The following CACNA1C variants were observed in gnomAD, a reference collection of about 807,000 sequenced individuals.
The protein encoded by CACNA1C is calcium voltage-gated channel subunit alpha1 C, also known as voltage-dependent L-type calcium channel subunit alpha-1C.
A neutral mutation model predicts 229.0 loss-of-function variants in CACNA1C; 30 were observed. The ratio of observed to expected loss-of-function variants is 0.13; its 90% confidence interval spans 0.10 to 0.18. The LOEUF is 0.18. Among genes scored for constraint, CACNA1C ranks in the 10% least tolerant of loss-of-function variants. The pLI is 1.00. For synonymous variants in CACNA1C, 1,114 were observed against 1,132.5 expected, an observed-to-expected ratio of 0.98 and a Z score of 0.33; for missense variants, 1,658 against 2,845.0, an observed-to-expected ratio of 0.58 and a Z score of 9.49.
At position 2,145,430 on chromosome 12, in the gene CACNA1C, C is replaced by G. The variant is rs769204190; in HGVS notation, c.477+25000C>G. On this transcript the variant is annotated intron_variant, in intron 3 of 46. Transcript: ENST00000399655. Reference sequence around the variant, plus strand: ...TGTTTTATCTCAAACATTTGTAATTCTATAAATTGAAATCAGCTTTTCTTA... The same window carrying G: ...TGTTTTATCTCAAACATTTGTAATTGTATAAATTGAAATCAGCTTTTCTTA... 2.0e-5 allele frequency among the ~76,000 whole-genome samples: 3 copies of G among 151,074 alleles called. 1 individual carries two copies. The highest frequency in any genetic ancestry group is 4.4e-5 in the Non-Finnish European group (3 of 67,606).
intron 16 of CACNA1C, among the ~76,000 whole-genome samples, chr12:2,584,911 A>G (rs2061842774): frequency 6.6e-6 from 1 of 152,056 alleles, no homozygotes; most frequent in Non-Finnish European, 1.5e-5. Context: ...GGAGAGAGAA[A>G]GGTAACCACT....
rs58893912 is a variant in CACNA1C at position 2,668,895 on chromosome 12, C to G, written c.4624-38C>G. 0.015 allele frequency: 20,715 copies of G among 1,420,956 alleles called. 2,317 individuals carry two copies. The African/African-American group carries it at 0.25, about 17-fold the overall frequency. 88.0% of individuals were successfully genotyped at this position (1,420,956 alleles called of 1,614,324 possible). On this transcript the variant is annotated intron_variant, in intron 37 of 46. Coordinates refer to ENST00000399655, the MANE Select transcript of CACNA1C (RefSeq NM_000719.7). ...TGTTCTGCGGTCCCCTAAGCACCGC[C>G]TGCCATCATCACCAGCTTTGCTTCT... is the stretch of plus-strand genomic sequence containing the variant.
chr12:2,481,568 T>C (rs2099675773), intron 5 of CACNA1C, among the ~76,000 whole-genome samples: 1 of 152,254 alleles, frequency 6.6e-6, no homozygotes, highest in Admixed American at 6.5e-5. Context: ...CCCATCTCCC[T>C]GGAAGGTCTT....
intron 3 of CACNA1C, among the ~76,000 whole-genome samples, chr12:2,357,782 C>G (rs1161752621): frequency 6.6e-6 from 1 of 151,584 alleles, no homozygotes; most frequent in African/African-American, 2.4e-5. Context: ...ACCAGCCTGG[C>G]CAACATGCGG....
In CACNA1C at chr12:2,686,232, A is replaced by G. The variant is rs186867242; in HGVS notation, c.5747A>G (p.Gln1916Arg). Residue 1916 changes from glutamine (Q) to arginine (R), a missense_variant, in exon 45 of 47, where the codon CAG (glutamine) becomes CGG (arginine). Around this residue, in one of 20 missense-constraint regions of CACNA1C, gnomAD observed 590 missense variants for 700.8 expected, o/e 0.84. Coordinates refer to ENST00000399655, the MANE Select transcript of CACNA1C (RefSeq NM_000719.7). ...AAGGACCGAGGGGGAGACATCTCTCAGAAGACAGTCCTGCCCTTGCATCTG... is the reference window on the plus strand; with the variant it reads ...AAGGACCGAGGGGGAGACATCTCTCGGAAGACAGTCCTGCCCTTGCATCTG... ...RQKDRGGDIS[Q>R]KTVLPLHLVH... The G allele has an allele frequency of 1.7e-4, 272 of 1,613,314 alleles. No individual in the cohort carries two copies. In the East Asian group the frequency reaches 5.8e-3, roughly 35 times the overall value.
At chr12:1,998,661 G>C (rs998983334) in intron 1 of CACNA1C, among the ~76,000 whole-genome samples, 1 of 152,172 alleles carries the variant, frequency 6.6e-6, no homozygotes, top group Non-Finnish European at 1.5e-5. Context: ...GGTTTAACTA[G>C]GTCACTTCAC....
At position 2,689,445 on chromosome 12, in the gene CACNA1C, C is replaced by A. The variant is rs1368877266; in HGVS notation, c.6117+666C>A. ...TGACTTTGGAGGGTGCGATACACCTCTCACACCTGCAACGGGTGGGATGGG... is the reference window on the plus strand; with the variant it reads ...TGACTTTGGAGGGTGCGATACACCTATCACACCTGCAACGGGTGGGATGGG... On this transcript the variant is annotated intron_variant, in intron 46 of 46. Transcript: ENST00000399655. This position sits in a 1 kb window ranked among gnomAD's most constrained non-coding sequence, Gnocchi z 4.2. 6.6e-6 allele frequency among the ~76,000 whole-genome samples: 1 copy of A among 152,096 alleles called. No homozygotes were observed. Among genetic ancestry groups the A allele is most frequent in the East Asian group, 1.9e-4 (1 of 5,164 alleles).
chr12:2,118,408 G>A (rs1190235019), intron 2 of CACNA1C, among the ~76,000 whole-genome samples: 1 of 152,202 alleles, frequency 6.6e-6, no homozygotes, highest in African/African-American at 2.4e-5. Context: ...AGGTGGCGTG[G>A]TAGGAGGGCT....
intron 3 of CACNA1C, among the ~76,000 whole-genome samples, chr12:2,349,654 A>G (rs1420017199): frequency 6.6e-6 from 1 of 152,096 alleles, no homozygotes; most frequent in East Asian, 1.9e-4. Context: ...GAGGGTAGGA[A>G]GAGCTCTGCA....
At chr12:2,401,509 G>A (rs1429785077) in intron 3 of CACNA1C, among the ~76,000 whole-genome samples, 1 of 152,234 alleles carries the variant, frequency 6.6e-6, no homozygotes, top group Non-Finnish European at 1.5e-5. Context: ...CTTAGTCACA[G>A]AGTATAACAT....
chr12:2,519,501 G>C (rs987886410), intron 9 of CACNA1C, among the ~76,000 whole-genome samples: 2 of 152,182 alleles, frequency 1.3e-5, no homozygotes, highest in Non-Finnish European at 2.9e-5. Flanking sequence ...CTTTCCAATA[G>C]CCCTCAGTCA....
chr12:2,230,330 G>C (rs2064575452), intron 3 of CACNA1C, among the ~76,000 whole-genome samples: 1 of 152,200 alleles, frequency 6.6e-6, no homozygotes, highest in East Asian at 1.9e-4. Flanking sequence ...GGCAAGCGGG[G>C]CCTCTCGCCT....
At chr12:2,461,106 T>A (rs2154565708) in intron 5 of CACNA1C, among the ~76,000 whole-genome samples, 1 of 152,360 alleles carries the variant, frequency 6.6e-6, no homozygotes, top group South Asian at 2.1e-4. Context: ...TCTGTGATTC[T>A]TGTCCTCCCA....
intron 3 of CACNA1C, among the ~76,000 whole-genome samples, chr12:2,428,567 C>T (rs1304107224): frequency 1.3e-5 from 2 of 152,200 alleles, no homozygotes; most frequent in African/African-American, 2.4e-5. Flanking sequence ...AGGCGGGGAG[C>T]TTTGCTCACT....
At position 2,630,098 on chromosome 12, in the gene CACNA1C, T is replaced by C. The variant is rs1023271033; in HGVS notation, c.3829-4199T>C. On this transcript the variant is annotated intron_variant, in intron 29 of 46. Transcript: ENST00000399655. This position sits in a 1 kb window ranked among gnomAD's most constrained non-coding sequence, Gnocchi z 5.4. ...CCCGCCCTGCGTGGCTCTGAGGAGC[T>C]GGACAGTAGAGGTTTGGTTTGCCAC... is the stretch of plus-strand genomic sequence containing the variant. 2.0e-5 allele frequency among the ~76,000 whole-genome samples: 3 copies of C among 152,224 alleles called. No individual in the cohort carries two copies. The highest frequency in any genetic ancestry group is 4.4e-5 in the Non-Finnish European group (3 of 68,046).
At chr12:2,509,135 T>C (rs2099778002) in intron 8 of CACNA1C, among the ~76,000 whole-genome samples, 1 of 152,202 alleles carries the variant, frequency 6.6e-6, no homozygotes, top group East Asian at 1.9e-4. Flanking sequence ...GAGATGGGCA[T>C]GTCTTGTCCC....
chr12:2,567,166 C>T (rs2051484548), intron 12 of CACNA1C, among the ~76,000 whole-genome samples: 1 of 152,190 alleles, frequency 6.6e-6, no homozygotes. Flanking sequence ...TCCTGGGAGG[C>T]AGGGGGTCTA....
chr12:2,646,104 C>G lies in CACNA1C; in HGVS notation c.3913-2371C>G, dbSNP rs1052284601. ...AAATACAAAATACTATCAAGATTAT[C>G]TGAACAGATCCAAAGTCAAGTCTTG... On this transcript the variant is annotated intron_variant, in intron 30 of 46. Coordinates refer to ENST00000399655, the MANE Select transcript of CACNA1C (RefSeq NM_000719.7). The surrounding 1 kb of genome is among the most constrained non-coding windows in gnomAD (Gnocchi z 4.6). Among the ~76,000 whole-genome samples, 10 of 152,166 alleles carry G rather than the reference C, an allele frequency of 6.6e-5. No homozygotes were observed. The highest frequency in any genetic ancestry group is 2.4e-4 in the African/African-American group (10 of 41,430).
At chr12:2,532,351 C>A (rs1021827830) in intron 9 of CACNA1C, among the ~76,000 whole-genome samples, 1 of 152,118 alleles carries the variant, frequency 6.6e-6, no homozygotes, top group Non-Finnish European at 1.5e-5. Flanking sequence ...CTCCCTCCCA[C>A]CCCTCGACAC....
Sources: gnomAD v4.1 joint callset for allele counts (sites outside exome capture counted in the v4.1 genomes callset) on GRCh38, gnomAD v4.1.1 for gene constraint, gnomAD v4.1.1 regional missense constraint, Gnocchi (gnomAD v3.1) non-coding constraint, MANE v1.5 for transcripts, NCBI Gene and HGNC (gene_info 2026-07-23, HGNC 2026-07-21) for gene names.